Variants in LAMA1 observed in about 807,000 individuals in gnomAD.
The protein encoded by LAMA1 is laminin subunit alpha-1.
A neutral mutation model predicts 348.7 loss-of-function variants in LAMA1; 219 were observed. The observed-to-expected ratio is 0.63, with a 90% CI of 0.56 to 0.70. The LOEUF is 0.70. LAMA1 is among the 30% of genes least tolerant of loss of function. LAMA1 has a pLI of 0.00. For synonymous variants in LAMA1, 1,487 were observed against 1,491.0 expected, an observed-to-expected ratio of 1.00 and a Z score of 0.06; for missense variants, 3,744 against 3,888.0, an observed-to-expected ratio of 0.96 and a Z score of 0.99.
chr18:6,950,195 C>T (rs2057540331), intron 58 of LAMA1, among the ~76,000 whole-genome samples: 1 of 152,194 alleles, frequency 6.6e-6, no homozygotes, highest in South Asian at 2.1e-4. Context: ...AATCAATCAG[C>T]ATTTGCCATT....
In LAMA1 at chr18:7,007,331, A is replaced by G. The variant is rs2057837030; in HGVS notation, c.4123-55T>C. On this transcript the variant is annotated intron_variant, in intron 28 of 62. Transcript: ENST00000389658. ...AGTCTGATTAATGAGTGAGTGAAGG[A>G]CTTGAATAGACACTTCTCCAAAGGA... is the stretch of plus-strand genomic sequence containing the variant. 6 of 1,543,628 alleles carry G rather than the reference A, an allele frequency of 3.9e-6. No individual in the cohort carries two copies. The African/African-American group carries it at 8.2e-5, about 21-fold the overall frequency.
At chr18:7,018,196 C>A (rs146460509) in intron 19 of LAMA1, among the ~76,000 whole-genome samples, 1 of 151,132 alleles carries the variant, frequency 6.6e-6, no homozygotes, top group African/African-American at 2.4e-5. Context: ...ATTAGCCAGG[C>A]GTGGTGGCAC....
intron 62 of LAMA1, 146 bp from the exon 63 acceptor site, chr18:6,942,385 T>C (rs2057502728): frequency 2.3e-6 from 2 of 879,910 alleles, no homozygotes; most frequent in Non-Finnish European, 1.7e-6. Flanking sequence ...CTTCCACATA[T>C]GTGGTGTCAG....
At chr18:7,011,098 CTT>C (rs1314568110) in intron 25 of LAMA1, among the ~76,000 whole-genome samples, 200 bp downstream of exon 25, 3 of 152,164 alleles carry the variant, frequency 2.0e-5, no homozygotes, top group African/African-American at 4.8e-5. Context: ...ACTTAAAAAA[CTT>C]TTAAAATTAA....
At chr18:7,104,281 C>G (rs1389925869) in intron 1 of LAMA1, among the ~76,000 whole-genome samples, 1 of 152,118 alleles carries the variant, frequency 6.6e-6, no homozygotes, top group Non-Finnish European at 1.5e-5. Flanking sequence ...CCAGCCAATA[C>G]CTACTATTAA....
rs199872720 is a variant in LAMA1, at chr18:6,999,956, C to T, written c.4424G>A (p.Arg1475His). 3.7e-5 allele frequency: 59 copies of T among 1,614,064 alleles called. No individual in the cohort carries two copies. Among genetic ancestry groups the T allele is most frequent in the Admixed American group, 2.2e-4 (13 of 60,016 alleles). ...TCVLEGDHDF[R>H]CDACLLGYEG... ...ATAGCCCAGGAGACAGGCGTCACAA[C>T]GGAAATCGTGGTCCCCTTCCAAGAC... is the stretch of plus-strand genomic sequence containing the variant. The change falls in exon 31 of 63, where the codon CGT becomes CAT. Residue 1475 changes from arginine (R) to histidine (H), a missense_variant. Around this residue, in one of 3 missense-constraint regions of LAMA1, gnomAD observed 1,983 missense variants for 1,934.3 expected, o/e 1.03. Coordinates refer to ENST00000389658, the MANE Select transcript of LAMA1 (RefSeq NM_005559.4).
chr18:6,943,130 C>A, intron 62 of LAMA1, 50 bp downstream of exon 62: 1 of 1,517,504 alleles, frequency 6.6e-7, no homozygotes, highest in East Asian at 2.3e-5. Context: ...CCAAGACTTC[C>A]TCCAGGGACA....
intron 11 of LAMA1, 171 bp downstream of exon 11, chr18:7,038,639 T>TA: frequency 1.2e-6 from 1 of 833,710 alleles, no homozygotes. Context: ...ACATGACCTA[T>TA]AAAGAATCTT....
At chr18:6,947,683 CTGTGTACT>C (rs2057528455) in intron 60 of LAMA1, among the ~76,000 whole-genome samples, 1 of 152,174 alleles carries the variant, frequency 6.6e-6, no homozygotes, top group Non-Finnish European at 1.5e-5. Context: ...TTCCTAGTAT[CTGTGTACT>C]TGTGGGAATC....
intron 19 of LAMA1, among the ~76,000 whole-genome samples, chr18:7,020,985 C>T (rs940493262): frequency 3.3e-5 from 5 of 152,152 alleles, no homozygotes; most frequent in Non-Finnish European, 7.4e-5. Context: ...CACAGGAGAC[C>T]CTTCCGACGT....
chr18:6,959,934 G>T, intron 53 of LAMA1: 1 of 244,216 alleles, frequency 4.1e-6, no homozygotes, highest in Non-Finnish European at 8.1e-6. Context: ...AATGTTTAAA[G>T]CTTTTAATTT....
intron 61 of LAMA1, among the ~76,000 whole-genome samples, chr18:6,943,941 C>A (rs1261895781): frequency 1.3e-5 from 2 of 151,902 alleles, no homozygotes; most frequent in Admixed American, 1.3e-4. Flanking sequence ...TCTGAGCACA[C>A]TGCATCCTTA....
intron 5 of LAMA1, 100 bp downstream of exon 5, chr18:7,048,978 G>A (rs2058052297): frequency 3.1e-5 from 36 of 1,164,710 alleles, no homozygotes; most frequent in South Asian, 2.8e-4. Context: ...CCAACATGTC[G>A]GGGAAAGAAC....
At position 7,017,269 on chromosome 18, in the gene LAMA1, G is replaced by A. The variant is rs773742827; in HGVS notation, c.2808+9C>T. 1.2e-5 allele frequency: 19 copies of A among 1,603,216 alleles called. No homozygotes were observed. Among genetic ancestry groups the A allele is most frequent in the East Asian group, 2.2e-5 (1 of 44,868 alleles). ...AGGCTAAGGTGTCAATTAGTCACAT[G>A]CATCTTACCAAGCACTGGTCACACT... On this transcript the variant is annotated intron_variant, in intron 20 of 62. Transcript: ENST00000389658.
In LAMA1 at chr18:7,036,096, G is replaced by GT. The variant is rs750716113; in HGVS notation, c.1738-9dup. On this transcript the variant is annotated splice_polypyrimidine_tract_variant and intron_variant, in intron 12 of 62. Transcript: ENST00000389658. ...TCCGCCAAACGCAGTCAGCTGAAAT[G>GT]TTTAAGCGAGAATGAACACGAAAGG... is the stretch of plus-strand genomic sequence containing the variant. 8 of 1,600,198 alleles carry GT rather than the reference G, an allele frequency of 5.0e-6. No homozygotes were observed. Among genetic ancestry groups the GT allele is most frequent in the Admixed American group, 3.3e-5 (2 of 59,982 alleles).
At chr18:7,108,901 C>G (rs114107635) in intron 1 of LAMA1, among the ~76,000 whole-genome samples, 2,197 of 152,016 alleles carry the variant, frequency 0.014, 57 homozygotes, top group African/African-American at 0.05. Flanking sequence ...TGGATTTTGA[C>G]GGGTGGGGAA....
chr18:7,085,413 C>CTTTTTTTTTT (rs36122063), intron 1 of LAMA1, among the ~76,000 whole-genome samples: 35 of 85,262 alleles, frequency 4.1e-4, no homozygotes, highest in Non-Finnish European at 5.7e-4. Flanking sequence ...TCTTCTTCTT[C>CTTTTTTTTTT]TTTTTTTTTT....
chr18:7,017,441 A>C, intron 19 of LAMA1, 57 bp from the exon 20 acceptor site: 2 of 1,241,080 alleles, frequency 1.6e-6, no homozygotes, highest in Non-Finnish European at 1.2e-6. Context: ...GGTTATCATA[A>C]GATCCGTCAT....
chr18:7,105,706 T>A (rs1004689945), intron 1 of LAMA1, among the ~76,000 whole-genome samples: 4 of 152,224 alleles, frequency 2.6e-5, no homozygotes, highest in Admixed American at 2.6e-4. Context: ...GGACACTTTT[T>A]AAATTTTGGA....
Sources: allele counts gnomAD v4.1 joint callset (sites outside exome capture counted in the v4.1 genomes callset), GRCh38; gene constraint gnomAD v4.1.1; regional missense constraint gnomAD v4.1.1; transcripts MANE v1.5; gene names NCBI Gene and HGNC (gene_info 2026-07-23, HGNC 2026-07-21).